Variants in CLVS1 observed in about 807,000 individuals in gnomAD.
CLVS1 encodes clavesin-1.
Under a neutral mutation model 33.1 loss-of-function variants are expected in CLVS1, and 10 were observed. The ratio of observed to expected loss-of-function variants is 0.30; its 90% CI spans 0.19 to 0.51. CLVS1 has a LOEUF of 0.51. Among genes scored for constraint, CLVS1 ranks in the 20% least tolerant of loss-of-function variants. The pLI is 0.97. For missense variants in CLVS1, 343 were observed against 433.4 expected, an observed-to-expected ratio of 0.79 and a Z score of 1.85; for synonymous variants, 163 against 166.1, an observed-to-expected ratio of 0.98 and a Z score of 0.14.
chr8:61,315,542 A>G (rs1810978744), intron 2 of CLVS1, among the ~76,000 whole-genome samples: 2 of 152,158 alleles, frequency 1.3e-5, no homozygotes, highest in South Asian at 4.2e-4. Flanking sequence ...TCATATTTAT[A>G]CTGCTTTGGT....
rs1484034775 is a variant in CLVS1 at position 61,367,038 on chromosome 8, A to T, written c.456-9567A>T. ...CAGTCCTTCCTCTCTTCACACCCAT[A>T]TCTAATTGGTACCTAAGTCCTGGCT... On this transcript the variant is annotated intron_variant, in intron 2 of 5. Transcript: ENST00000325897. Among the ~76,000 whole-genome samples the T allele has an allele frequency of 2.0e-5, 3 of 152,070 alleles. No individual in the cohort carries two copies. The East Asian group carries it at 5.8e-4, about 29-fold the overall frequency.
the CLVS1 span, among the ~76,000 whole-genome samples, chr8:61,031,977 A>C: frequency 1.3e-5 from 2 of 152,212 alleles, no homozygotes; most frequent in Non-Finnish European, 2.9e-5. Context: ...ATAAGATAAA[A>C]TATGGGGGCA....
intron 2 of CLVS1, among the ~76,000 whole-genome samples, chr8:61,249,049 T>G (rs1293407664): frequency 6.6e-6 from 1 of 152,130 alleles, no homozygotes; most frequent in East Asian, 1.9e-4. Context: ...TTTCTCCTAA[T>G]GCTATTCTTC....
At chr8:60,985,262 T>A in the CLVS1 span, among the ~76,000 whole-genome samples, 1 of 152,184 alleles carries the variant, frequency 6.6e-6, no homozygotes, top group Non-Finnish European at 1.5e-5. Context: ...CCGCTGTGAG[T>A]CCCCAGCTTC....
chr8:61,295,153 A>G (rs1267874425), intron 1 of CLVS1, among the ~76,000 whole-genome samples: 1 of 152,192 alleles, frequency 6.6e-6, no homozygotes, highest in Non-Finnish European at 1.5e-5. Flanking sequence ...ATTACTCTCC[A>G]TGCATTTGAA....
intron 2 of CLVS1, among the ~76,000 whole-genome samples, chr8:61,176,557 C>A (rs983334258): frequency 6.6e-6 from 1 of 152,036 alleles, no homozygotes; most frequent in Non-Finnish European, 1.5e-5. Context: ...AGATGGCTGA[C>A]TAGAAGCAGT....
chr8:61,437,217 A>C (rs1816362844), intron 3 of CLVS1, among the ~76,000 whole-genome samples: 1 of 152,198 alleles, frequency 6.6e-6, no homozygotes, highest in South Asian at 2.1e-4. Context: ...ACAACTTGTA[A>C]TCCCTTCATT....
chr8:61,220,009 T>C (rs1808175634), intron 2 of CLVS1, among the ~76,000 whole-genome samples: 1 of 152,216 alleles, frequency 6.6e-6, no homozygotes, highest in Non-Finnish European at 1.5e-5. Context: ...GTTTTTTTCT[T>C]ATAAATATGT....
At chr8:60,967,191 T>A in the CLVS1 span, among the ~76,000 whole-genome samples, 1 of 152,172 alleles carries the variant, frequency 6.6e-6, no homozygotes, top group Non-Finnish European at 1.5e-5. Flanking sequence ...CTGCGCTAGG[T>A]CTGATGGAAC....
chr8:61,331,888 C>T (rs1338462550), intron 2 of CLVS1, among the ~76,000 whole-genome samples: 1 of 150,532 alleles, frequency 6.6e-6, no homozygotes, highest in Non-Finnish European at 1.5e-5. Flanking sequence ...CTTGTTTGTT[C>T]TCCCTAGGTT....
intron 2 of CLVS1, among the ~76,000 whole-genome samples, chr8:61,363,866 C>T (rs1411536760): frequency 3.3e-5 from 5 of 152,186 alleles, no homozygotes; most frequent in Non-Finnish European, 7.3e-5. Context: ...TCTTTAGTCT[C>T]TGTGACCTAC....
At position 61,254,243 on chromosome 8, in the gene CLVS1, T is replaced by G. The variant is rs183486086; in HGVS notation, c.-151-45434T>G. Reference sequence around the variant, plus strand: ...GTGGCTGCAGAACAGCGGATATTGGTGAACAGCAAATGTTGCTGCCTGATC... The same window carrying G: ...GTGGCTGCAGAACAGCGGATATTGGGGAACAGCAAATGTTGCTGCCTGATC... On this transcript the variant is annotated intron_variant, in intron 2 of 2. Transcript: ENST00000522621. 7.8e-3 allele frequency among the ~76,000 whole-genome samples: 1,190 copies of G among 152,296 alleles called. 79 individuals carry two copies. The East Asian group carries it at 0.16, about 21-fold the overall frequency.
chr8:61,017,452 C>T, the CLVS1 span, among the ~76,000 whole-genome samples: 1 of 152,208 alleles, frequency 6.6e-6, no homozygotes, highest in Non-Finnish European at 1.5e-5. Context: ...CCCTGCCTGT[C>T]CAGAAGGCAA....
rs528151809 is a variant in CLVS1, at chr8:61,387,496, A to G, written c.630+10717A>G. Among the ~76,000 whole-genome samples the G allele has an allele frequency of 8.8e-5, 7 of 79,990 alleles. No individual in the cohort carries two copies. In the East Asian group the frequency reaches 2.2e-3, roughly 25 times the overall value. 52.5% of individuals were successfully genotyped at this position (79,990 alleles called of 152,430 possible). Reference sequence around the variant, plus strand: ...TTTTTTTTTTTTTTTTTAAATTTCAATAGGTTTTTGGGGAACAAGTGGTGT... The same window carrying G: ...TTTTTTTTTTTTTTTTTAAATTTCAGTAGGTTTTTGGGGAACAAGTGGTGT... On this transcript the variant is annotated intron_variant, in intron 3 of 5. Coordinates refer to ENST00000325897, the MANE Select transcript of CLVS1 (RefSeq NM_173519.3).
chr8:61,369,432 A>G (rs1243458012), intron 2 of CLVS1, among the ~76,000 whole-genome samples: 2 of 152,192 alleles, frequency 1.3e-5, no homozygotes, highest in Admixed American at 6.5e-5. Flanking sequence ...ACCATTTAAG[A>G]GAGTGTCTCA....
chr8:61,113,801 T>A (rs1805670704), intron 1 of CLVS1, among the ~76,000 whole-genome samples: 1 of 152,084 alleles, frequency 6.6e-6, no homozygotes, highest in African/African-American at 2.4e-5. Flanking sequence ...CCCAGCTAAT[T>A]AATATTTTTT....
At chr8:61,103,847 C>T (rs1805490453) in intron 1 of CLVS1, among the ~76,000 whole-genome samples, 1 of 152,272 alleles carries the variant, frequency 6.6e-6, no homozygotes, top group South Asian at 2.1e-4. Context: ...TAAAAGAATG[C>T]AAACATTAGG....
At chr8:61,313,273 A>G (rs1810900955) in intron 2 of CLVS1, among the ~76,000 whole-genome samples, 1 of 152,120 alleles carries the variant, frequency 6.6e-6, no homozygotes, top group African/African-American at 2.4e-5. Context: ...GCTTGAGACA[A>G]AAGGGCACAC....
intron 2 of CLVS1, among the ~76,000 whole-genome samples, chr8:61,257,286 T>C (rs1485207487): frequency 6.6e-6 from 1 of 152,216 alleles, no homozygotes; most frequent in Non-Finnish European, 1.5e-5. Flanking sequence ...TGTCACCCAT[T>C]AAACTGATGA....
Sources: allele counts gnomAD v4.1 joint callset (sites outside exome capture counted in the v4.1 genomes callset), GRCh38; gene constraint gnomAD v4.1.1; transcripts MANE v1.5; gene names NCBI Gene and HGNC (gene_info 2026-07-23, HGNC 2026-07-21).